Variants in GRID2 observed in about 807,000 individuals in gnomAD.
The protein encoded by GRID2 is glutamate ionotropic receptor delta type subunit 2.
In GRID2, 33 loss-of-function variants were observed where a neutral mutation model predicts 114.8. The ratio of observed to expected loss-of-function variants is 0.29; its 90% CI spans 0.22 to 0.38. GRID2 has a LOEUF of 0.38. GRID2 is among the 10% of genes least tolerant of loss of function. The pLI is 1.00. For synonymous variants in GRID2, 505 were observed against 449.9 expected (o/e 1.12, Z -1.55); for missense variants, 1,184 against 1,257.7 (o/e 0.94, Z 0.89).
chr4:92,754,700 T>G (rs1202911933), intron 2 of GRID2, among the ~76,000 whole-genome samples: 1 of 152,172 alleles, frequency 6.6e-6, no homozygotes, highest in African/African-American at 2.4e-5. Context: ...CCAGTGTATT[T>G]TGAAATGGTA....
chr4:93,530,823 A>G (rs1731367562), intron 13 of GRID2, among the ~76,000 whole-genome samples: 1 of 152,164 alleles, frequency 6.6e-6, no homozygotes, highest in South Asian at 2.1e-4. Context: ...ACAGAAATCA[A>G]TATCAGATTA....
At chr4:92,344,395 G>A (rs938722122) in intron 1 of GRID2, among the ~76,000 whole-genome samples, 2 of 152,130 alleles carry the variant, frequency 1.3e-5, no homozygotes, top group Non-Finnish European at 2.9e-5. Context: ...AGTTTTACAT[G>A]TATTGCATCA....
chr4:93,249,880 C>T (rs187008006), intron 8 of GRID2, among the ~76,000 whole-genome samples: 16 of 152,160 alleles, frequency 1.1e-4, no homozygotes, highest in Admixed American at 9.8e-4. Context: ...AATAGGAATG[C>T]TTTTACACTG....
intron 2 of GRID2, among the ~76,000 whole-genome samples, chr4:92,881,014 T>C (rs901967837): frequency 1.3e-5 from 2 of 152,110 alleles, no homozygotes; most frequent in African/African-American, 4.8e-5. Flanking sequence ...GCGATTCTCC[T>C]GCCTCAGCCT....
At chr4:92,811,395 C>T (rs1740656679) in intron 2 of GRID2, among the ~76,000 whole-genome samples, 1 of 151,854 alleles carries the variant, frequency 6.6e-6, no homozygotes, top group South Asian at 2.1e-4. Flanking sequence ...TGTAAAATTG[C>T]TTTCTTTACT....
At chr4:93,647,239 G>T (rs1305152780) in intron 14 of GRID2, among the ~76,000 whole-genome samples, 1 of 152,098 alleles carries the variant, frequency 6.6e-6, no homozygotes, top group Non-Finnish European at 1.5e-5. Flanking sequence ...CTAAATTCTA[G>T]GAATGAGAAT....
intron 2 of GRID2, among the ~76,000 whole-genome samples, chr4:92,945,195 G>A (rs1319783874): frequency 6.6e-6 from 1 of 151,986 alleles, no homozygotes; most frequent in African/African-American, 2.4e-5. Flanking sequence ...ATTTAATCTT[G>A]AATCTTTGAA....
chr4:92,861,086 A>G (rs1333744625), intron 2 of GRID2, among the ~76,000 whole-genome samples: 1 of 152,118 alleles, frequency 6.6e-6, no homozygotes, highest in Admixed American at 6.6e-5. Context: ...GCCAAAGTCT[A>G]GATTATTAAA....
chr4:92,738,726 A>C (rs1736723065), intron 2 of GRID2, among the ~76,000 whole-genome samples: 1 of 152,092 alleles, frequency 6.6e-6, no homozygotes, highest in Admixed American at 6.6e-5. Flanking sequence ...ATCATAGCTC[A>C]CTGCAGCACT....
intron 12 of GRID2, among the ~76,000 whole-genome samples, chr4:93,511,894 A>G (rs1729228868): frequency 6.6e-6 from 1 of 150,794 alleles, no homozygotes; most frequent in African/African-American, 2.4e-5. Flanking sequence ...AAGCAATTCT[A>G]CCTCAGCCTC....
intron 2 of GRID2, among the ~76,000 whole-genome samples, chr4:92,882,179 C>T (rs1746071466): frequency 1.3e-5 from 2 of 152,112 alleles, no homozygotes; most frequent in East Asian, 1.9e-4. Context: ...TTTAGTTCTA[C>T]TCTTGAAATA....
intron 2 of GRID2, among the ~76,000 whole-genome samples, chr4:92,809,729 A>T (rs1256059533): frequency 6.6e-6 from 1 of 152,036 alleles, no homozygotes; most frequent in Non-Finnish European, 1.5e-5. Context: ...TTATGCTGTT[A>T]TTTGTCCACT....
intron 2 of GRID2, among the ~76,000 whole-genome samples, chr4:92,664,015 T>C (rs1001421507): frequency 1.3e-5 from 2 of 151,188 alleles, no homozygotes; most frequent in Admixed American, 6.6e-5. Context: ...ATTTTACTTA[T>C]CTTTGCTCTA....
At chr4:93,370,711 C>A (rs1390354673) in intron 8 of GRID2, among the ~76,000 whole-genome samples, 1 of 152,108 alleles carries the variant, frequency 6.6e-6, no homozygotes, top group Non-Finnish European at 1.5e-5. Context: ...CTGATCCTTA[C>A]ACATCTTCAT....
intron 1 of GRID2, among the ~76,000 whole-genome samples, chr4:92,559,173 AC>A (rs1232524740): frequency 6.6e-6 from 1 of 152,182 alleles, no homozygotes; most frequent in Non-Finnish European, 1.5e-5. Context: ...ATACATAAAC[AC>A]TTTCATAGTT....
At chr4:92,476,284 C>A (rs1722311419) in intron 1 of GRID2, among the ~76,000 whole-genome samples, 1 of 152,104 alleles carries the variant, frequency 6.6e-6, no homozygotes, top group South Asian at 2.1e-4. Flanking sequence ...CTTGGCTTCC[C>A]AAAGTGCTGG....
intron 1 of GRID2, among the ~76,000 whole-genome samples, chr4:92,357,448 A>G (rs2110194832): frequency 6.6e-6 from 1 of 152,020 alleles, no homozygotes; most frequent in Non-Finnish European, 1.5e-5. Context: ...TAGCTTTCCC[A>G]GGTAGGTTAC....
chr4:93,020,739 A>G (rs1723196862), intron 2 of GRID2, among the ~76,000 whole-genome samples: 4 of 152,158 alleles, frequency 2.6e-5, no homozygotes, highest in Admixed American at 2.0e-4. Flanking sequence ...GTTTCTTTAA[A>G]AGAAATATAT....
At position 93,516,995 on chromosome 4, in the gene GRID2, C is replaced by G. The variant is rs535859912; in HGVS notation, c.2193+1584C>G. Among the ~76,000 whole-genome samples, 82 of 152,070 alleles carry G rather than the reference C, an allele frequency of 5.4e-4. 1 individual carries two copies. The highest frequency in any genetic ancestry group is 1.1e-3 in the Non-Finnish European group (75 of 67,976). On this transcript the variant is annotated intron_variant, in intron 13 of 15. Coordinates refer to ENST00000282020, the MANE Select transcript of GRID2 (RefSeq NM_001510.4). ...CTCCCACCAGCCTGGTGTTAATGGG[C>G]ACATCAATCCGGGTTTGAATCCAGC...
Sources: allele counts gnomAD v4.1 joint callset (sites outside exome capture counted in the v4.1 genomes callset), GRCh38; gene constraint gnomAD v4.1.1; transcripts MANE v1.5; gene names NCBI Gene and HGNC (gene_info 2026-07-23, HGNC 2026-07-21).